ORMDL1: variants seen among roughly 807,000 people sequenced by gnomAD.
ORMDL1 encodes ORM1-like protein 1.
Under a neutral mutation model 13.0 loss-of-function variants are expected in ORMDL1, and 10 were observed. The observed-to-expected ratio is 0.77, with a 90% CI of 0.47 to 1.30. The LOEUF is 1.30. Ranked by LOEUF, ORMDL1 falls within the 50% of genes most tolerant of loss-of-function variation. The pLI is 0.00. For synonymous variants in ORMDL1, 61 were observed against 63.9 expected, an observed-to-expected ratio of 0.95 and a Z score of 0.22; for missense variants, 171 against 186.7, an observed-to-expected ratio of 0.92 and a Z score of 0.49.
At chr2:189,779,715 T>C (rs1186474484) in intron 3 of ORMDL1, among the ~76,000 whole-genome samples, 1 of 151,904 alleles carries the variant, frequency 6.6e-6, no homozygotes, top group East Asian at 1.9e-4. Flanking sequence ...TGGAGAAGGG[T>C]AGAGAAGCAT....
chr2:189,774,811 G>C (rs1183632933), intron 4 of ORMDL1: 1 of 152,102 alleles, frequency 6.6e-6, no homozygotes, highest in Non-Finnish European at 1.5e-5. Flanking sequence ...GACAGAAATA[G>C]GACTACACAT....
At chr2:189,765,425 AT>A (rs1478131491), downstream of ORMDL1, 1 of 152,168 alleles carries the variant, frequency 6.6e-6, no homozygotes, top group African/African-American at 2.4e-5. Flanking sequence ...CCATAGTGTG[AT>A]TACTTGAGTT....
At chr2:189,769,521 A>T (rs973494597), downstream of ORMDL1, among the ~76,000 whole-genome samples, 4 of 152,168 alleles carry the variant, frequency 2.6e-5, no homozygotes, top group African/African-American at 9.7e-5. Flanking sequence ...TATGCCTCTT[A>T]GGATCTTTAT....
Position 189,775,574 on chromosome 2 carries a change from G to A in ORMDL1, c.317C>T (p.Pro106Leu). 1 of 1,599,994 alleles carries A rather than the reference G, an allele frequency of 6.3e-7. No homozygotes were observed. The highest frequency in any genetic ancestry group is 8.5e-7 in the Non-Finnish European group (1 of 1,173,862). The change falls in exon 4 of 5, where the codon CCA becomes CTA. Residue 106 changes from proline to leucine, a missense_variant. Pro to Leu is a moderately conservative substitution (Grantham distance 98, BLOSUM62 -3). Coordinates refer to ENST00000392349, the MANE Select transcript of ORMDL1 (RefSeq NM_016467.5). ...TSSRKFFTIS[P>L]IILYFLASFY... The stretch of plus-strand genomic sequence containing the variant: ...AATTTCTGCCACTTACAGAATTATT[G>A]GAGAAATTGTGAAAAACTTCCGTGA...
intron 3 of ORMDL1, among the ~76,000 whole-genome samples, chr2:189,780,207 T>C (rs2047792993): frequency 1.3e-5 from 2 of 152,222 alleles, no homozygotes; most frequent in Non-Finnish European, 2.9e-5. Flanking sequence ...AAATAAAGTT[T>C]TGATTGCATT....
At chr2:189,782,386 A>C in intron 3 of ORMDL1, 36 bp downstream of exon 3, 1 of 1,558,328 alleles carries the variant, frequency 6.4e-7, no homozygotes, top group Non-Finnish European at 8.8e-7. Context: ...CTAAACTTAA[A>C]ACTTTTAAGT....
In ORMDL1 at chr2:189,777,142, G is replaced by A. The variant is rs1433308218; in HGVS notation, c.175-1426C>T. The stretch of plus-strand genomic sequence containing the variant: ...TTGTATACAATTTTATTGAAAATAC[G>A]ATTACAGTACAATATATCATGTTAG... On this transcript the variant is annotated intron_variant, in intron 3 of 4. Coordinates refer to ENST00000392349, the MANE Select transcript of ORMDL1 (RefSeq NM_016467.5). Among the ~76,000 whole-genome samples the A allele has an allele frequency of 5.3e-5, 8 of 151,950 alleles. No homozygotes were observed. The East Asian group carries it at 1.3e-3, about 26-fold the overall frequency.
intron 3 of ORMDL1, among the ~76,000 whole-genome samples, chr2:189,781,296 A>T (rs1312994409): frequency 6.6e-6 from 1 of 152,196 alleles, no homozygotes; most frequent in Non-Finnish European, 1.5e-5. Flanking sequence ...ATTTTAAAAA[A>T]TATCTTTCAA....
chr2:189,765,844 T>TTA (rs1553546161), downstream of ORMDL1, among the ~76,000 whole-genome samples: 1 of 71,568 alleles, frequency 1.4e-5, no homozygotes, highest in African/African-American at 4.7e-5. Context: ...TCTCCATTTT[T>TTA]TTTTTTTTTT....
chr2:189,773,956 G>C (rs1000100836), intron 4 of ORMDL1: 6 of 152,136 alleles, frequency 3.9e-5, no homozygotes, highest in Non-Finnish European at 1.5e-5. Flanking sequence ...GGCTTTTTGT[G>C]TGATAGCTGT....
intron 3 of ORMDL1, among the ~76,000 whole-genome samples, chr2:189,780,065 G>A (rs1177360296): frequency 2.0e-5 from 3 of 152,074 alleles, no homozygotes; most frequent in African/African-American, 4.8e-5. Context: ...TTGGAATATC[G>A]GCATATACAT....
chr2:189,772,689 C>T (rs2047605108), intron 4 of ORMDL1, among the ~76,000 whole-genome samples: 1 of 152,174 alleles, frequency 6.6e-6, no homozygotes, highest in African/African-American at 2.4e-5. Context: ...AATAAAACAT[C>T]ATATCTTATT....
At position 189,771,792 on chromosome 2, in the gene ORMDL1, C is replaced by A; in HGVS notation, c.437G>T (p.Arg146Leu). 1 of 1,603,684 alleles carries A rather than the reference C, an allele frequency of 6.2e-7. No individual in the cohort carries two copies. ...IPKMPQLHGV[R>L]IFGINKY Reference sequence around the variant, plus strand: ...TCAATACTTATTAATTCCAAAGATCCGAACACCATGTAGTTGTGGCATTTT... The same window carrying A: ...TCAATACTTATTAATTCCAAAGATCAGAACACCATGTAGTTGTGGCATTTT... Residue 146 changes from arginine to leucine, a missense_variant, in exon 5 of 5, where the codon CGG (arginine) becomes CTG (leucine). Coordinates refer to ENST00000392349, the MANE Select transcript of ORMDL1 (RefSeq NM_016467.5).
In ORMDL1 at chr2:189,770,774, GAGGACTA is replaced by G. The variant is rs1206475800; in HGVS notation, c.*986_*992del. 5 of 152,026 alleles carry G rather than the reference GAGGACTA, an allele frequency of 3.3e-5. No homozygotes were observed. Among genetic ancestry groups the G allele is most frequent in the Admixed American group, 6.5e-5 (1 of 15,274 alleles). The allele number at this position is 152,026 out of a possible 1,614,324, so 9.4% of individuals were successfully genotyped here. On this transcript the variant is annotated 3_prime_UTR_variant, in exon 5 of 5. Coordinates refer to ENST00000392349, the MANE Select transcript of ORMDL1 (RefSeq NM_016467.5). The stretch of plus-strand genomic sequence containing the variant: ...GGCAAAATATGGGGGTTGAGAGCAG[GAGGACTA>G]AGAAAAGAAAATGTTATCTTTTACT...
At chr2:189,766,997 T>G (rs918709504), downstream of ORMDL1, among the ~76,000 whole-genome samples, 2 of 152,220 alleles carry the variant, frequency 1.3e-5, no homozygotes, top group East Asian at 3.8e-4. Flanking sequence ...CTTTTAACCA[T>G]TCATCCCTTG....
chr2:189,771,762 A>T lies in ORMDL1; in HGVS notation c.*5T>A, dbSNP rs1479194192. The T allele has an allele frequency of 6.3e-7, 1 of 1,578,664 alleles. No homozygotes were observed. Among genetic ancestry groups the T allele is most frequent in the Non-Finnish European group, 8.6e-7 (1 of 1,169,474 alleles). ...TGTAAAATTTTTTTTCAGTTTCAAA[A>T]CATTTCAATACTTATTAATTCCAAA... On this transcript the variant is annotated 3_prime_UTR_variant, in exon 5 of 5. Transcript: ENST00000392349.
chr2:189,771,067 G>C lies in ORMDL1; in HGVS notation c.*700C>G, dbSNP rs1220865421. 6.6e-6 allele frequency: 1 copy of C among 152,130 alleles called. No homozygotes were observed. Among genetic ancestry groups the C allele is most frequent in the Non-Finnish European group, 1.5e-5 (1 of 68,018 alleles). 9.4% of individuals were successfully genotyped at this position (152,130 alleles called of 1,614,324 possible). ...TGTGTCTGGAAAAGCAGTAAAACCT[G>C]CTTTGTTCCAAAATTAGAACACTTG... On this transcript the variant is annotated 3_prime_UTR_variant, in exon 5 of 5. Transcript: ENST00000392349.
intron 4 of ORMDL1, among the ~76,000 whole-genome samples, chr2:189,772,960 G>A (rs1195618773): frequency 1.3e-5 from 2 of 152,136 alleles, no homozygotes; most frequent in African/African-American, 2.4e-5. Context: ...TTTCTCTAGT[G>A]TAAACCATAT....
chr2:189,777,340 T>A (rs1574966836), intron 3 of ORMDL1, among the ~76,000 whole-genome samples: 1 of 152,066 alleles, frequency 6.6e-6, no homozygotes, highest in Non-Finnish European at 1.5e-5. Context: ...TCATATGGAC[T>A]TTAAAGTGAA....
Sources: gnomAD v4.1 joint callset for allele counts (sites outside exome capture counted in the v4.1 genomes callset) on GRCh38, gnomAD v4.1.1 for gene constraint, MANE v1.5 for transcripts, NCBI Gene and HGNC (gene_info 2026-07-23, HGNC 2026-07-21) for gene names.